Variants in IMMP2L observed in about 807,000 individuals in gnomAD.
IMMP2L encodes mitochondrial inner membrane protease subunit 2.
Under a neutral mutation model 19.3 loss-of-function variants are expected in IMMP2L, and 18 were observed. The ratio of observed to expected loss-of-function variants is 0.93; its 90% CI spans 0.64 to 1.38. IMMP2L has a LOEUF of 1.38. Ranked by LOEUF, IMMP2L falls within the 40% of genes most tolerant of loss-of-function variation. The pLI, the probability that IMMP2L is intolerant of heterozygous loss-of-function variation, is 0.00. For synonymous variants in IMMP2L, 76 were observed against 73.0 expected (o/e 1.04, Z -0.21); for missense variants, 233 against 218.2 (o/e 1.07, Z -0.43).
At chr7:111,556,015 C>CTATATATAT (rs1563354066) in intron 1 of IMMP2L, among the ~76,000 whole-genome samples, 1 of 13,314 alleles carries the variant, frequency 7.5e-5, no homozygotes, top group Non-Finnish European at 5.1e-4. Context: ...CTTCTGTGTG[C>CTATATATAT]ATGTATATAT....
chr7:110,691,387 C>T (rs1793498432), intron 5 of IMMP2L, among the ~76,000 whole-genome samples: 1 of 152,048 alleles, frequency 6.6e-6, no homozygotes, highest in African/African-American at 2.4e-5. Context: ...CCAGGAAAAA[C>T]TCTCTGGACA....
intron 3 of IMMP2L, among the ~76,000 whole-genome samples, chr7:111,395,694 A>C (rs1432818009): frequency 6.6e-6 from 1 of 152,214 alleles, no homozygotes; most frequent in Non-Finnish European, 1.5e-5. Context: ...ATTGTACTAA[A>C]AATACACAAC....
At chr7:111,107,601 T>C (rs1798691603) in intron 3 of IMMP2L, among the ~76,000 whole-genome samples, 1 of 152,138 alleles carries the variant, frequency 6.6e-6, no homozygotes, top group South Asian at 2.1e-4. Context: ...TTTATCTGAA[T>C]AGAATTTTAG....
chr7:111,072,453 A>G (rs894886378), intron 3 of IMMP2L, among the ~76,000 whole-genome samples: 1 of 152,188 alleles, frequency 6.6e-6, no homozygotes, highest in Non-Finnish European at 1.5e-5. Context: ...AACTTAATGC[A>G]GTGTAAACTG....
intron 3 of IMMP2L, among the ~76,000 whole-genome samples, chr7:111,387,975 T>A (rs1349223381): frequency 7.5e-5 from 7 of 93,424 alleles, no homozygotes; most frequent in South Asian, 3.6e-4. Flanking sequence ...ACTCTGTCTT[T>A]AAAAAAAAAA....
chr7:111,315,428 A>T (rs1007367627), intron 3 of IMMP2L, among the ~76,000 whole-genome samples: 2 of 151,878 alleles, frequency 1.3e-5, no homozygotes, highest in Non-Finnish European at 2.9e-5. Context: ...GCAGGAAATG[A>T]CTGAAAAAAA....
intron 3 of IMMP2L, among the ~76,000 whole-genome samples, chr7:111,401,510 T>G (rs1833417603): frequency 6.6e-6 from 1 of 152,140 alleles, no homozygotes; most frequent in Non-Finnish European, 1.5e-5. Context: ...TCTAATACCT[T>G]TCCAAATTTC....
chr7:110,707,095 G>A (rs1419565111), intron 5 of IMMP2L, among the ~76,000 whole-genome samples: 1 of 93,136 alleles, frequency 1.1e-5, no homozygotes, highest in Non-Finnish European at 2.2e-5. Flanking sequence ...ATGCTGGTGC[G>A]CTGCACCCAC....
chr7:110,842,676 C>T (rs1805214111), intron 5 of IMMP2L, among the ~76,000 whole-genome samples: 1 of 152,100 alleles, frequency 6.6e-6, no homozygotes, highest in African/African-American at 2.4e-5. Flanking sequence ...TTATTACCTG[C>T]TATGCTGAGA....
chr7:111,382,338 AG>A (rs1831277055), intron 3 of IMMP2L, among the ~76,000 whole-genome samples: 1 of 152,120 alleles, frequency 6.6e-6, no homozygotes, highest in African/African-American at 2.4e-5. Flanking sequence ...AGCATTGAAA[AG>A]TATACACAAT....
chr7:110,938,002 C>CCCCCTAA (rs1218637257), intron 4 of IMMP2L, among the ~76,000 whole-genome samples: 1 of 152,052 alleles, frequency 6.6e-6, no homozygotes, highest in East Asian at 1.9e-4. Context: ...TCTCCTTGGT[C>CCCCCTAA]CCCCTAACCC....
At chr7:110,854,672 T>C (rs537410685) in intron 5 of IMMP2L, among the ~76,000 whole-genome samples, 4 of 151,886 alleles carry the variant, frequency 2.6e-5, no homozygotes, top group Non-Finnish European at 5.9e-5. Context: ...TTAAAACACA[T>C]GTAACTAACA....
chr7:111,540,075 CTA>C (rs1848382026), intron 1 of IMMP2L, among the ~76,000 whole-genome samples: 1 of 152,160 alleles, frequency 6.6e-6, no homozygotes, highest in Non-Finnish European at 1.5e-5. Flanking sequence ...CCAGCTGCTG[CTA>C]TGTTTCATAT....
At chr7:111,253,724 T>C (rs1231198967) in intron 3 of IMMP2L, among the ~76,000 whole-genome samples, 1 of 152,140 alleles carries the variant, frequency 6.6e-6, no homozygotes, top group Admixed American at 6.6e-5. Context: ...TCAATATGTG[T>C]TAAGGCTCTC....
chr7:111,011,233 A>G (rs1461333023), intron 3 of IMMP2L, among the ~76,000 whole-genome samples: 1 of 152,152 alleles, frequency 6.6e-6, no homozygotes, highest in Non-Finnish European at 1.5e-5. Flanking sequence ...TTGAATTATG[A>G]AGACTAAATT....
intron 5 of IMMP2L, among the ~76,000 whole-genome samples, chr7:110,843,016 A>G (rs1386267658): frequency 6.6e-6 from 1 of 152,190 alleles, no homozygotes; most frequent in Non-Finnish European, 1.5e-5. Context: ...CAGATAAAAA[A>G]AATCTGAGAT....
At chr7:111,473,499 G>A (rs1057351166) in intron 3 of IMMP2L, among the ~76,000 whole-genome samples, 10 of 152,152 alleles carry the variant, frequency 6.6e-5, no homozygotes, top group Non-Finnish European at 1.2e-4. Flanking sequence ...TATAGCAGAT[G>A]CTAAGTGTCC....
chr7:111,133,856 A>T (rs73420029), intron 3 of IMMP2L, among the ~76,000 whole-genome samples: 6,228 of 152,114 alleles, frequency 0.041, 144 homozygotes, highest in Middle Eastern at 0.089. Flanking sequence ...GCGTACTCTC[A>T]GAAACAAACA....
chr7:110,961,373 C>T (rs1413768129), intron 4 of IMMP2L, among the ~76,000 whole-genome samples: 1 of 151,242 alleles, frequency 6.6e-6, no homozygotes, highest in Non-Finnish European at 1.5e-5. Flanking sequence ...AATATAAATG[C>T]TATGTAAATA....
Sources: allele counts gnomAD v4.1 joint callset (sites outside exome capture counted in the v4.1 genomes callset), GRCh38; gene constraint gnomAD v4.1.1; transcripts MANE v1.5; gene names NCBI Gene and HGNC (gene_info 2026-07-23, HGNC 2026-07-21).